The following MCRIP1 variants were observed in gnomAD, a reference collection of about 807,000 sequenced individuals.
The protein encoded by MCRIP1 is MAPK regulated corepressor interacting protein 1, also known as mapk-regulated corepressor-interacting protein 1.
In MCRIP1, 10 loss-of-function variants were observed where a neutral mutation model predicts 14.4. That is an observed-to-expected ratio of 0.70 (90% CI 0.43 to 1.18). The LOEUF (loss-of-function observed/expected upper bound fraction) is 1.18. Among genes scored for constraint, MCRIP1 ranks in the 50% most tolerant of loss-of-function variants. MCRIP1 has a pLI of 0.00. For synonymous variants in MCRIP1, 53 were observed against 55.7 expected (o/e 0.95, Z 0.21); for missense variants, 119 against 135.4 (o/e 0.88, Z 0.60).
intron 1 of MCRIP1, among the ~76,000 whole-genome samples, chr17:81,829,525 A>T (rs2038477636): frequency 6.6e-6 from 1 of 152,238 alleles, no homozygotes; most frequent in African/African-American, 2.4e-5. Flanking sequence ...GTTTTCTTTC[A>T]TAGTTTTCAT....
rs555402200 is a variant in MCRIP1, at chr17:81,822,379, G to A, written c.*868C>T. On this transcript the variant is annotated 3_prime_UTR_variant, in exon 5 of 5. Transcript: ENST00000455127. ...CGGGAGCTGGCTGTGCATGTGTGCC[G>A]CAGGGGCAGAGGCCTGACAGACCAC... 74 of 152,564 alleles carry A rather than the reference G, an allele frequency of 4.9e-4. No individual in the cohort carries two copies. Among genetic ancestry groups the A allele is most frequent in the Non-Finnish European group, 8.2e-4 (56 of 68,266 alleles). 9.5% of individuals were successfully genotyped at this position (152,564 alleles called of 1,614,324 possible). A position where few individuals can be genotyped will look rare whatever the true frequency, so the allele number is the denominator to read the frequency against.
At chr17:81,825,219 G>A (rs1033158812) in intron 1 of MCRIP1, 6 of 1,075,636 alleles carry the variant, frequency 5.6e-6, no homozygotes, top group Non-Finnish European at 6.8e-6. Context: ...CTGACCTGGT[G>A]ACCAAGACCC....
rs1390770201 is a variant in MCRIP1 at position 81,824,355 on chromosome 17, C to T, written c.59G>A (p.Arg20His). The change falls in exon 3 of 5, where the codon CGC becomes CAC. Residue 20 changes from arginine to histidine, a missense_variant. Physicochemically the swap from Arg to His is conservative, Grantham distance 29 (BLOSUM62 0). Coordinates refer to ENST00000455127, the MANE Select transcript of MCRIP1 (RefSeq NM_207368.5). ...VYNGKRTSSP[R>H]SPPSSSEIFT... ...GATCTCGCTGCTGCTGGGTGGGGAG[C>T]GGGGGCTGCTGGTCCTCTTGCCGTT... 5.3e-6 allele frequency: 8 copies of T among 1,517,028 alleles called. No homozygotes were observed. The highest frequency in any genetic ancestry group is 1.2e-5 in the South Asian group (1 of 83,254). The allele number at this position is 1,517,028 out of a possible 1,614,324, so 94.0% of individuals were successfully genotyped here.
At chr17:81,829,246 C>T (rs539065552) in intron 1 of MCRIP1, among the ~76,000 whole-genome samples, 5 of 150,260 alleles carry the variant, frequency 3.3e-5, no homozygotes, top group Admixed American at 6.7e-5. Flanking sequence ...TGACCGAGGC[C>T]GACCACAGGT....
intron 1 of MCRIP1, chr17:81,826,754 G>C: frequency 4.8e-6 from 1 of 209,190 alleles, no homozygotes; most frequent in Non-Finnish European, 9.6e-6. Flanking sequence ...GGGAGGTGGA[G>C]GTGCAGTGAG....
chr17:81,825,470 T>C, intron 1 of MCRIP1: 1 of 1,198,550 alleles, frequency 8.3e-7, no homozygotes, highest in Non-Finnish European at 1.1e-6. Context: ...GAGGGGGCTT[T>C]GAGCACAAGC....
intron 1 of MCRIP1, among the ~76,000 whole-genome samples, chr17:81,828,619 A>T (rs1019563880): frequency 6.6e-6 from 1 of 152,090 alleles, no homozygotes. Context: ...CCCATAAGGG[A>T]ATCAGCAGCC....
At position 81,823,085 on chromosome 17, in the gene MCRIP1, T is replaced by C; in HGVS notation, c.*162A>G. 1 of 699,492 alleles carries C rather than the reference T, an allele frequency of 1.4e-6. No individual in the cohort carries two copies. The highest frequency in any genetic ancestry group is 2.5e-6 in the Non-Finnish European group (1 of 406,180). The allele number at this position is 699,492 out of a possible 1,614,324, so 43.3% of individuals were successfully genotyped here. A position where few individuals can be genotyped will look rare whatever the true frequency, so the allele number is the denominator to read the frequency against. Reference sequence around the variant, plus strand: ...ACCCCCAAGGATGAAGGAAGGGGGCTTGGGAAGGAGAGGCAGGCCTCAGCC... The same window carrying C: ...ACCCCCAAGGATGAAGGAAGGGGGCCTGGGAAGGAGAGGCAGGCCTCAGCC... On this transcript the variant is annotated 3_prime_UTR_variant, in exon 5 of 5. Coordinates refer to ENST00000455127, the MANE Select transcript of MCRIP1 (RefSeq NM_207368.5). This position sits in a 1 kb window ranked among gnomAD's most constrained non-coding sequence, Gnocchi z 6.0.
chr17:81,824,995 G>T lies in MCRIP1; in HGVS notation c.-48-441C>A, dbSNP rs1222130576. On this transcript the variant is annotated intron_variant, in intron 1 of 4. Coordinates refer to ENST00000455127, the MANE Select transcript of MCRIP1 (RefSeq NM_207368.5). The stretch of plus-strand genomic sequence containing the variant: ...CAGCTAACTGACCCTGCTCTCCCTG[G>T]TGCAGGGCTGGGCACACGGCTTCTG... The T allele has an allele frequency of 2.8e-6, 3 of 1,054,064 alleles. No individual in the cohort carries two copies. In the African/African-American group the frequency reaches 5.1e-5, roughly 18 times the overall value. The allele number at this position is 1,054,064 out of a possible 1,614,324, so 65.3% of individuals were successfully genotyped here. A position where few individuals can be genotyped will look rare whatever the true frequency, so the allele number is the denominator to read the frequency against.
At chr17:81,826,463 C>T (rs983012946) in intron 1 of MCRIP1, 66 of 1,271,578 alleles carry the variant, frequency 5.2e-5, no homozygotes, top group Non-Finnish European at 7.1e-5. Context: ...GTCAAGGCTG[C>T]AGGGAGCCAA....
In MCRIP1 at chr17:81,833,223, C is replaced by T. The variant is rs1417517236; in HGVS notation, c.-49+15G>A. The T allele has an allele frequency of 6.7e-6, 1 of 149,336 alleles. No homozygotes were observed. Among genetic ancestry groups the T allele is most frequent in the Non-Finnish European group, 1.5e-5 (1 of 67,096 alleles). 9.3% of individuals were successfully genotyped at this position (149,336 alleles called of 1,614,324 possible). A position where few individuals can be genotyped will look rare whatever the true frequency, so the allele number is the denominator to read the frequency against. The stretch of plus-strand genomic sequence containing the variant: ...CCCGCCCCGTCCCCGCCGCCCGGCG[C>T]CGCACCCGCCTCACCTCGCCCCGAC... On this transcript the variant is annotated intron_variant, in intron 1 of 4. Coordinates refer to ENST00000455127, the MANE Select transcript of MCRIP1 (RefSeq NM_207368.5).
chr17:81,823,642 C>T lies in MCRIP1; in HGVS notation c.128-129G>A. On this transcript the variant is annotated intron_variant, in intron 3 of 4. Coordinates refer to ENST00000455127, the MANE Select transcript of MCRIP1 (RefSeq NM_207368.5). The surrounding 1 kb of genome is among the most constrained non-coding windows in gnomAD (Gnocchi z 6.0). ...CTCCCTCAGAAGTGTCCTCCATGCT[C>T]CCCCACAGCCCTCTGCCCACCCCAG... 1.3e-6 allele frequency: 1 copy of T among 752,370 alleles called. No individual in the cohort carries two copies. The highest frequency in any genetic ancestry group is 1.7e-5 in the African/African-American group (1 of 57,974). 46.6% of individuals were successfully genotyped at this position (752,370 alleles called of 1,614,324 possible).
intron 1 of MCRIP1, among the ~76,000 whole-genome samples, chr17:81,832,015 C>A (rs377634739): frequency 1.3e-5 from 2 of 152,138 alleles, no homozygotes; most frequent in East Asian, 1.9e-4. Context: ...GTCCCAAATT[C>A]TTTCCCCCAC....
intron 1 of MCRIP1, among the ~76,000 whole-genome samples, chr17:81,827,374 C>T (rs1372693896): frequency 2.0e-5 from 3 of 151,642 alleles, no homozygotes; most frequent in African/African-American, 7.3e-5. Flanking sequence ...CGGGTTCACG[C>T]CATTCTCCCG....
At chr17:81,824,612 G>A in intron 1 of MCRIP1, 58 bp from the exon 2 acceptor site, 1 of 1,534,742 alleles carries the variant, frequency 6.5e-7, no homozygotes, top group Non-Finnish European at 8.7e-7. Context: ...AGCACAGAAG[G>A]AGGGGGAGGC....
Position 81,823,360 on chromosome 17 carries a change from A to G in MCRIP1, c.230-49T>C. The G allele has an allele frequency of 6.5e-7, 1 of 1,536,340 alleles. No individual in the cohort carries two copies. Among genetic ancestry groups the G allele is most frequent in the South Asian group, 1.2e-5 (1 of 84,036 alleles). ...TGGTGGGCACAGGCCCCTCCTGCCC[A>G]TGAGGCCCGGCCTGCCGGCCCAGCC... On this transcript the variant is annotated intron_variant, in intron 4 of 4. Transcript: ENST00000455127. This position sits in a 1 kb window ranked among gnomAD's most constrained non-coding sequence, Gnocchi z 6.0.
chr17:81,824,900 G>A, intron 1 of MCRIP1: 1 of 1,192,294 alleles, frequency 8.4e-7, no homozygotes, highest in Admixed American at 4.2e-5. Context: ...CTCCCCACGT[G>A]GGCTGGTGGG....
At chr17:81,828,781 C>T (rs2038462128) in intron 1 of MCRIP1, among the ~76,000 whole-genome samples, 1 of 152,158 alleles carries the variant, frequency 6.6e-6, no homozygotes, top group Non-Finnish European at 1.5e-5. Context: ...CAGGACGGTG[C>T]CTGTGAGGGC....
At chr17:81,830,465 C>T (rs2038494429) in intron 1 of MCRIP1, among the ~76,000 whole-genome samples, 1 of 150,772 alleles carries the variant, frequency 6.6e-6, no homozygotes, top group African/African-American at 2.4e-5. Flanking sequence ...GGTGAAACCC[C>T]GTCTCTACTA....
Sources: allele counts gnomAD v4.1 joint callset (sites outside exome capture counted in the v4.1 genomes callset), GRCh38; gene constraint gnomAD v4.1.1; non-coding constraint Gnocchi (gnomAD v3.1); transcripts MANE v1.5; gene names NCBI Gene and HGNC (gene_info 2026-07-23, HGNC 2026-07-21).